Variants in RNGTT observed in about 807,000 individuals in gnomAD.
RNGTT encodes the protein mRNA-capping enzyme.
Under a neutral mutation model 79.3 loss-of-function variants are expected in RNGTT, and 33 were observed. The ratio of observed to expected loss-of-function variants is 0.42; its 90% CI spans 0.32 to 0.56. RNGTT has a LOEUF of 0.56. Among genes scored for constraint, RNGTT ranks in the 20% least tolerant of loss-of-function variants. RNGTT has a pLI of 0.17. For missense variants in RNGTT, 497 were observed against 739.1 expected, an observed-to-expected ratio of 0.67 and a Z score of 3.80; for synonymous variants, 222 against 235.9, an observed-to-expected ratio of 0.94 and a Z score of 0.54.
At chr6:88,718,694 T>A (rs1776606302) in intron 13 of RNGTT, among the ~76,000 whole-genome samples, 1 of 152,146 alleles carries the variant, frequency 6.6e-6, no homozygotes, top group East Asian at 1.9e-4. Flanking sequence ...TTATTATTAT[T>A]CCTAATCAGA....
At chr6:88,704,812 C>T (rs758638381) in intron 13 of RNGTT, among the ~76,000 whole-genome samples, 1 of 151,770 alleles carries the variant, frequency 6.6e-6, no homozygotes, top group Non-Finnish European at 1.5e-5. Context: ...AAAACTAGGC[C>T]AAACTTCTAT....
chr6:88,836,045 A>G (rs1781067399), intron 11 of RNGTT, among the ~76,000 whole-genome samples: 1 of 77,882 alleles, frequency 1.3e-5, no homozygotes, highest in South Asian at 3.7e-4. Context: ...AGATTTACAT[A>G]TATATATATA....
chr6:88,878,888 T>C (rs886574517), intron 8 of RNGTT, among the ~76,000 whole-genome samples: 2 of 152,206 alleles, frequency 1.3e-5, no homozygotes, highest in Admixed American at 1.3e-4. Flanking sequence ...TCACTGAAAA[T>C]TATTCCAGAG....
intron 6 of RNGTT, among the ~76,000 whole-genome samples, chr6:88,901,823 A>T (rs1353868206): frequency 6.6e-6 from 1 of 152,146 alleles, no homozygotes; most frequent in Non-Finnish European, 1.5e-5. Context: ...ATACTCAGAA[A>T]AAACATTCTT....
intron 12 of RNGTT, among the ~76,000 whole-genome samples, chr6:88,796,172 T>G (rs559190900): frequency 6.6e-6 from 1 of 152,144 alleles, no homozygotes; most frequent in Non-Finnish European, 1.5e-5. Flanking sequence ...TGATAATACT[T>G]TTGATATAGT....
intron 14 of RNGTT, among the ~76,000 whole-genome samples, chr6:88,626,602 G>A (rs1187090509): frequency 1.3e-5 from 2 of 152,008 alleles, no homozygotes; most frequent in East Asian, 3.8e-4. Context: ...CCAAATGCAC[G>A]TCATTCTGAC....
intron 1 of RNGTT, 48 bp downstream of exon 1, chr6:88,963,298 C>G: frequency 6.2e-7 from 1 of 1,601,872 alleles, no homozygotes; most frequent in Non-Finnish European, 8.5e-7. Context: ...GGCCCACCCC[C>G]GGGCACGTTG....
intron 14 of RNGTT, among the ~76,000 whole-genome samples, chr6:88,623,944 A>G (rs1255849837): frequency 6.6e-6 from 1 of 152,038 alleles, no homozygotes; most frequent in Non-Finnish European, 1.5e-5. Context: ...ATTTCTATAT[A>G]CCAACAATGA....
intron 14 of RNGTT, among the ~76,000 whole-genome samples, chr6:88,618,659 C>T (rs1324568293): frequency 6.6e-6 from 1 of 152,024 alleles, no homozygotes; most frequent in Non-Finnish European, 1.5e-5. Flanking sequence ...AGCAACACAC[C>T]ATATATTTTA....
At chr6:88,915,617 A>T (rs968759678) in intron 4 of RNGTT, among the ~76,000 whole-genome samples, 1 of 152,164 alleles carries the variant, frequency 6.6e-6, no homozygotes, top group African/African-American at 2.4e-5. Flanking sequence ...CTCCAATAGG[A>T]GGAAGAGAGG....
intron 13 of RNGTT, among the ~76,000 whole-genome samples, chr6:88,760,264 GC>G (rs1778166927): frequency 6.6e-6 from 1 of 152,120 alleles, no homozygotes; most frequent in Non-Finnish European, 1.5e-5. Context: ...AAGATTTTCT[GC>G]TGAATGCAGG....
At chr6:88,865,745 G>A (rs554914679) in intron 8 of RNGTT, among the ~76,000 whole-genome samples, 1 of 152,128 alleles carries the variant, frequency 6.6e-6, no homozygotes, top group African/African-American at 2.4e-5. Context: ...ACATTAGAAT[G>A]ATAAAAACAA....
intron 10 of RNGTT, among the ~76,000 whole-genome samples, chr6:88,847,453 T>G (rs1781522091): frequency 6.6e-6 from 1 of 152,160 alleles, no homozygotes; most frequent in African/African-American, 2.4e-5. Context: ...AAATTCTTTT[T>G]CTAACAGTGG....
chr6:88,890,995 G>A (rs530773926), intron 7 of RNGTT, among the ~76,000 whole-genome samples: 2 of 152,220 alleles, frequency 1.3e-5, no homozygotes, highest in Admixed American at 1.3e-4. Flanking sequence ...TGACATAACT[G>A]CAAGGTTGGC....
At chr6:88,692,137 G>A (rs532048108) in intron 13 of RNGTT, among the ~76,000 whole-genome samples, 33 of 152,280 alleles carry the variant, frequency 2.2e-4, no homozygotes, top group Admixed American at 1.9e-3. Context: ...ACAACAGGTA[G>A]AGCAAGCCAG....
At chr6:88,708,035 C>A (rs1257869099) in intron 13 of RNGTT, among the ~76,000 whole-genome samples, 1 of 151,860 alleles carries the variant, frequency 6.6e-6, no homozygotes, top group Non-Finnish European at 1.5e-5. Context: ...AATTCATCTG[C>A]CAGTATGCTT....
rs188184251 is a variant in RNGTT at position 88,632,593 on chromosome 6, A to C, written c.1507-18198T>G. Among the ~76,000 whole-genome samples, 130 of 150,780 alleles carry C rather than the reference A, an allele frequency of 8.6e-4. 1 individual carries two copies. The Middle Eastern group carries it at 0.017, about 20-fold the overall frequency. Reference sequence around the variant, plus strand: ...CACACACACACACGTACATTTCATAAAGCAATTTATTTCCTTTCTTTGTGC... The same window carrying C: ...CACACACACACACGTACATTTCATACAGCAATTTATTTCCTTTCTTTGTGC... On this transcript the variant is annotated intron_variant, in intron 14 of 15. Transcript: ENST00000369485.
chr6:88,686,633 G>A (rs939997800), intron 13 of RNGTT, among the ~76,000 whole-genome samples: 3 of 152,064 alleles, frequency 2.0e-5, no homozygotes, highest in African/African-American at 7.2e-5. Context: ...CATAGGCACT[G>A]AATTTATAAC....
chr6:88,895,720 T>C (rs1264315953), intron 6 of RNGTT, among the ~76,000 whole-genome samples: 1 of 152,032 alleles, frequency 6.6e-6, no homozygotes, highest in Non-Finnish European at 1.5e-5. Flanking sequence ...AAAAGAAAAA[T>C]GAAAGCTTTT....
Sources: allele counts gnomAD v4.1 joint callset (sites outside exome capture counted in the v4.1 genomes callset), GRCh38; gene constraint gnomAD v4.1.1; transcripts MANE v1.5; gene names NCBI Gene and HGNC (gene_info 2026-07-23, HGNC 2026-07-21).